FAAH2: variants seen among roughly 807,000 people sequenced by gnomAD.
FAAH2 encodes the protein fatty-acid amide hydrolase 2.
Under a neutral mutation model 36.9 loss-of-function variants are expected in FAAH2, and 60 were observed. That is an observed-to-expected ratio of 1.63 (90% CI 1.32 to 2.02). The LOEUF (loss-of-function observed/expected upper bound fraction) is 2.02. FAAH2 is among the 30% of genes most tolerant of loss of function. The pLI is 0.00. For synonymous variants in FAAH2, 214 were observed against 143.8 expected (o/e 1.49, Z -3.49); for missense variants, 689 against 397.5 (o/e 1.73, Z -6.23).
At chrX:57,163,565 G>C in the FAAH2 span, among the ~76,000 whole-genome samples, 2 of 111,925 alleles carry the variant, frequency 1.8e-5, no homozygotes, top group Non-Finnish European at 3.8e-5. Flanking sequence ...ATCTCGTGGT[G>C]CGCCGTTTTT....
chrX:57,255,170 A>G, the FAAH2 span, among the ~76,000 whole-genome samples: 1 of 112,285 alleles, frequency 8.9e-6, no homozygotes, highest in Non-Finnish European at 1.9e-5. Flanking sequence ...AAACTAGAGA[A>G]TCTAGAAGAA....
chrX:57,205,121 T>C, the FAAH2 span, among the ~76,000 whole-genome samples: 1 of 112,501 alleles, frequency 8.9e-6, no homozygotes, highest in African/African-American at 3.2e-5. Flanking sequence ...GGAATATGTG[T>C]GACATCCATT....
chrX:57,232,033 C>T, the FAAH2 span, among the ~76,000 whole-genome samples: 7 of 111,191 alleles, frequency 6.3e-5, no homozygotes, highest in Non-Finnish European at 1.1e-4. Flanking sequence ...GCCTAGGGGC[C>T]CTCTTGGAAT....
At chrX:57,430,633 G>T (rs919683172) in intron 7 of FAAH2, among the ~76,000 whole-genome samples, 1 of 112,218 alleles carries the variant, frequency 8.9e-6, no homozygotes, top group Non-Finnish European at 1.9e-5. Context: ...AACTAACAAT[G>T]TCATAGGTCT....
intron 7 of FAAH2, among the ~76,000 whole-genome samples, chrX:57,385,279 T>TA (rs35943956): frequency 5.6e-4 from 51 of 91,851 alleles, no homozygotes; most frequent in African/African-American, 1.8e-3. Context: ...TAAAGTATAA[T>TA]AAAAAAAAAA....
chrX:57,298,889 C>T (rs904565200), intron 2 of FAAH2, among the ~76,000 whole-genome samples: 29 of 108,252 alleles, frequency 2.7e-4, no homozygotes, highest in Non-Finnish European at 4.4e-4. Context: ...CTACACTGTC[C>T]CAAGACTAAA....
Position 57,446,992 on chromosome X carries a change from T to C in FAAH2, c.1181T>C (p.Leu394Ser), listed in dbSNP as rs2056688097. The part of the protein sequence containing the change: ...HGKHVSPLWE[L>S]IKWCLGLSVY... ...AAACATGTCAGTCCTCTGTGGGAGT[T>C]GATCAAATGGTGCCTGGGTCTGTCA... The change falls in exon 9 of 11, where the codon TTG becomes TCG. Residue 394 changes from leucine (L) to serine (S), a missense_variant. Transcript: ENST00000374900. 8.3e-7 allele frequency: 1 copy of C among 1,210,189 alleles called. No homozygotes were observed. Among genetic ancestry groups the C allele is most frequent in the East Asian group, 3.0e-5 (1 of 33,758 alleles).
chrX:57,290,891 T>C (rs1457333994), intron 1 of FAAH2, among the ~76,000 whole-genome samples: 1 of 111,930 alleles, frequency 8.9e-6, no homozygotes, highest in Admixed American at 9.5e-5. Flanking sequence ...ACCTCTTAGA[T>C]CCATTGGTTA....
chrX:57,441,415 G>A (rs754615397), intron 8 of FAAH2, among the ~76,000 whole-genome samples: 4 of 111,036 alleles, frequency 3.6e-5, no homozygotes, highest in Non-Finnish European at 5.7e-5. Context: ...TTCTCTGATG[G>A]TAGTTTGTAT....
At chrX:57,260,474 AT>A in the FAAH2 span, among the ~76,000 whole-genome samples, 1 of 112,121 alleles carries the variant, frequency 8.9e-6, no homozygotes, top group African/African-American at 3.2e-5. Context: ...CGATAGTAAA[AT>A]TTTTTGGGAT....
At chrX:57,339,659 T>A (rs945055081) in intron 4 of FAAH2, among the ~76,000 whole-genome samples, 4 of 112,142 alleles carry the variant, frequency 3.6e-5, no homozygotes, top group African/African-American at 1.3e-4. Flanking sequence ...TAGCTCAACA[T>A]CACTGATCAT....
chrX:57,194,354 G>A, the FAAH2 span, among the ~76,000 whole-genome samples: 1 of 111,044 alleles, frequency 9.0e-6, no homozygotes, highest in African/African-American at 3.3e-5. Context: ...TATTTCTGCA[G>A]TTGTAATGCC....
At chrX:57,247,372 G>A in the FAAH2 span, among the ~76,000 whole-genome samples, 1 of 111,674 alleles carries the variant, frequency 9.0e-6, no homozygotes, top group Non-Finnish European at 1.9e-5. Flanking sequence ...TGCAAGTGAG[G>A]CATTTGAATA....
intron 8 of FAAH2, among the ~76,000 whole-genome samples, chrX:57,446,509 C>T (rs2056677566): frequency 1.8e-5 from 2 of 111,727 alleles, no homozygotes; most frequent in African/African-American, 3.3e-5. Flanking sequence ...GTGCAACAAT[C>T]ATCACAATTT....
intron 5 of FAAH2, among the ~76,000 whole-genome samples, chrX:57,350,064 G>T (rs1046532165): frequency 9.0e-6 from 1 of 111,033 alleles, no homozygotes; most frequent in Non-Finnish European, 1.9e-5. Context: ...GACCCTCTCA[G>T]CAGAAACTTC....
At chrX:57,470,312 C>G (rs762230751) in intron 10 of FAAH2, among the ~76,000 whole-genome samples, 1 of 111,138 alleles carries the variant, frequency 9.0e-6, no homozygotes, top group African/African-American at 3.3e-5. Flanking sequence ...AATCCAGGAG[C>G]TGGTTTTTTG....
chrX:57,219,201 C>T, the FAAH2 span, among the ~76,000 whole-genome samples: 1 of 111,996 alleles, frequency 8.9e-6, no homozygotes, highest in East Asian at 2.8e-4. Context: ...TCACTTGGTG[C>T]TAACGCCATT....
chrX:57,283,739 T>C (rs1384610528), upstream of FAAH2, among the ~76,000 whole-genome samples: 1 of 111,558 alleles, frequency 9.0e-6, no homozygotes, highest in Non-Finnish European at 1.9e-5. Context: ...GAGGCTCCAG[T>C]GTAGCAACTC....
chrX:57,476,486 A>G (rs759860891), intron 10 of FAAH2, among the ~76,000 whole-genome samples: 2 of 111,549 alleles, frequency 1.8e-5, no homozygotes, highest in South Asian at 7.5e-4. Context: ...CTGATGGATT[A>G]CGTTTTGATT....
Sources: allele counts gnomAD v4.1 joint callset (sites outside exome capture counted in the v4.1 genomes callset), GRCh38; gene constraint gnomAD v4.1.1; transcripts MANE v1.5; gene names NCBI Gene and HGNC (gene_info 2026-07-23, HGNC 2026-07-21).